Variants in TOR1AIP2 observed in about 807,000 individuals in gnomAD.
The protein encoded by TOR1AIP2 is torsin 1A interacting protein 2, also known as torsin-1A-interacting protein 2.
TOR1AIP2 carries 20 observed loss-of-function variants against 32.6 expected under a neutral mutation model. That is an observed-to-expected ratio of 0.61 (90% confidence interval 0.43 to 0.89). The LOEUF (loss-of-function observed/expected upper bound fraction) is 0.89. Among genes scored for constraint, TOR1AIP2 ranks in the 40% least tolerant of loss-of-function variants. The pLI is 0.00. For synonymous variants in TOR1AIP2, 214 were observed against 210.8 expected, an observed-to-expected ratio of 1.02 and a Z score of -0.13; for missense variants, 456 against 553.8, an observed-to-expected ratio of 0.82 and a Z score of 1.77.
At chr1:179,857,298 G>A (rs986617319) in intron 3 of TOR1AIP2, among the ~76,000 whole-genome samples, 1 of 152,112 alleles carries the variant, frequency 6.6e-6, no homozygotes, top group African/African-American at 2.4e-5. Flanking sequence ...TCCTTGTGAC[G>A]CTGAAATCTG....
chr1:179,844,208 C>T lies in TOR1AIP2; in HGVS notation c.*1863G>A, dbSNP rs1695818456. On this transcript the variant is annotated 3_prime_UTR_variant, in exon 7 of 7. Coordinates refer to ENST00000609928, the MANE Select transcript of TOR1AIP2 (RefSeq NM_001199260.2). Reference sequence around the variant, plus strand: ...TTCCTCTGCTTTTATACTGGATTGACAGTGATATCACATTCACCATGCTTT... The same window carrying T: ...TTCCTCTGCTTTTATACTGGATTGATAGTGATATCACATTCACCATGCTTT... 6.6e-6 allele frequency: 1 copy of T among 152,206 alleles called. No homozygotes were observed. The highest frequency in any genetic ancestry group is 1.5e-5 in the Non-Finnish European group (1 of 68,040). The allele number at this position is 152,206 out of a possible 1,614,324, so 9.4% of individuals were successfully genotyped here.
chr1:179,872,627 T>C (rs1253622922), intron 2 of TOR1AIP2, among the ~76,000 whole-genome samples: 2 of 152,230 alleles, frequency 1.3e-5, no homozygotes, highest in African/African-American at 4.8e-5. Context: ...ATTGAATGCC[T>C]GGCGCAGATC....
intron 3 of TOR1AIP2, chr1:179,863,359 G>C: frequency 2.0e-6 from 2 of 984,858 alleles, no homozygotes; most frequent in South Asian, 4.7e-5. Context: ...CTAATGAGAT[G>C]TAAGAAGAAA....
intron 2 of TOR1AIP2, among the ~76,000 whole-genome samples, chr1:179,871,100 GCT>G (rs1307682467): frequency 1.3e-5 from 2 of 152,152 alleles, no homozygotes; most frequent in Non-Finnish European, 2.9e-5. Context: ...TAGGCTAAGG[GCT>G]CTTAGAGGGA....
chr1:179,850,537 C>T (rs1439958967), intron 5 of TOR1AIP2, among the ~76,000 whole-genome samples: 2 of 152,114 alleles, frequency 1.3e-5, no homozygotes, highest in Non-Finnish European at 2.9e-5. Flanking sequence ...AAACCAGAAG[C>T]GAATTTTTTA....
intron 3 of TOR1AIP2, among the ~76,000 whole-genome samples, chr1:179,855,779 T>G (rs964076810): frequency 9.2e-5 from 14 of 152,202 alleles, no homozygotes; most frequent in African/African-American, 3.4e-4. Context: ...AAATGTTCAT[T>G]AATAAGAAAG....
In TOR1AIP2 at chr1:179,846,006, T is replaced by C; in HGVS notation, c.*65A>G. The C allele has an allele frequency of 1.4e-6, 2 of 1,442,068 alleles. No individual in the cohort carries two copies. Among genetic ancestry groups the C allele is most frequent in the Non-Finnish European group, 1.9e-6 (2 of 1,062,534 alleles). The allele number at this position is 1,442,068 out of a possible 1,614,324, so 89.3% of individuals were successfully genotyped here. A position where few individuals can be genotyped will look rare whatever the true frequency, so the allele number is the denominator to read the frequency against. On this transcript the variant is annotated 3_prime_UTR_variant, in exon 7 of 7. Transcript: ENST00000609928. ...TTTTATCAACCTCCTTCCATATAAA[T>C]GGAAGGTCTTTAAACAAACTTTTTC... is the stretch of plus-strand genomic sequence containing the variant.
In TOR1AIP2 at chr1:179,840,359, T is replaced by C. The variant is rs925006564; in HGVS notation, c.*5712A>G. On this transcript the variant is annotated 3_prime_UTR_variant, in exon 7 of 7. Coordinates refer to ENST00000609928, the MANE Select transcript of TOR1AIP2 (RefSeq NM_001199260.2). ...GCCCCATACAATGTGACTCAGCCTG[T>C]TGCTTCCCAAGTCTAAAATGTTCTT... The C allele has an allele frequency of 1.3e-5, 2 of 152,204 alleles. No individual in the cohort carries two copies. The highest frequency in any genetic ancestry group is 2.4e-5 in the African/African-American group (1 of 41,442). 9.4% of individuals were successfully genotyped at this position (152,204 alleles called of 1,614,324 possible). A position where few individuals can be genotyped will look rare whatever the true frequency, so the allele number is the denominator to read the frequency against.
At chr1:179,850,290 CT>C (rs982976847) in intron 5 of TOR1AIP2, among the ~76,000 whole-genome samples, 4 of 152,128 alleles carry the variant, frequency 2.6e-5, no homozygotes, top group Non-Finnish European at 4.4e-5. Context: ...CAACGCTTAG[CT>C]TCATAAGGGA....
In TOR1AIP2 at chr1:179,873,380, C is replaced by T. The variant is rs534452933; in HGVS notation, c.-566+3859G>A. 4.4e-4 allele frequency among the ~76,000 whole-genome samples: 67 copies of T among 152,256 alleles called. No individual in the cohort carries two copies. In the Middle Eastern group the frequency reaches 0.014, roughly 31 times the overall value. On this transcript the variant is annotated intron_variant, in intron 2 of 6. Coordinates refer to ENST00000609928, the MANE Select transcript of TOR1AIP2 (RefSeq NM_001199260.2). ...AGTTTAGAGTTTTACAATATTTTAT[C>T]ATGATTAGAAAGATAAAAAGATTAT...
Position 179,846,468 on chromosome 1 carries a change from T to G in TOR1AIP2, c.1016A>C (p.Asp339Ala). 1 of 1,614,180 alleles carries G rather than the reference T, an allele frequency of 6.2e-7. No individual in the cohort carries two copies. The highest frequency in any genetic ancestry group is 8.5e-7 in the Non-Finnish European group (1 of 1,180,030). The change falls in exon 7 of 7, where the codon GAC (aspartate) becomes GCC (alanine). Residue 339 changes from aspartate to alanine, a missense_variant. Transcript: ENST00000609928. ...QIDGAGRTWQ[D>A]SDTVKLLVDL... The stretch of plus-strand genomic sequence containing the variant: ...AACCAACAGCTTGACCGTGTCACTG[T>G]CCTGCCAGGTCCTTCCAGCCCCATC...
Position 179,851,119 on chromosome 1 carries a change from A to T in TOR1AIP2, c.279T>A (p.Ser93Arg), listed in dbSNP as rs1255769046. ...KDKTEDENKQ[S>R]FLDGGKGHHL... The stretch of plus-strand genomic sequence containing the variant: ...GATGCCCTTTTCCGCCATCCAGAAA[A>T]CTCTGCTTGTTCTCATCTTCTGTTT... The change falls in exon 5 of 7, where the codon AGT (serine) becomes AGA (arginine). Residue 93 changes from serine (S) to arginine (R), a missense_variant. Transcript: ENST00000609928. 6.2e-7 allele frequency: 1 copy of T among 1,612,526 alleles called. No individual in the cohort carries two copies. The highest frequency in any genetic ancestry group is 1.1e-5 in the South Asian group (1 of 91,036).
intron 2 of TOR1AIP2, among the ~76,000 whole-genome samples, chr1:179,869,793 T>C (rs1329701665): frequency 1.3e-5 from 2 of 152,170 alleles, no homozygotes; most frequent in African/African-American, 4.8e-5. Context: ...TTTGTACAAA[T>C]TAGAAAAAGG....
intron 3 of TOR1AIP2, chr1:179,861,957 C>T: frequency 4.1e-6 from 4 of 981,546 alleles, no homozygotes; most frequent in Non-Finnish European, 4.8e-6. Context: ...GCCTCAACCT[C>T]TGAAGTAGCT....
At chr1:179,862,604 A>T in intron 3 of TOR1AIP2, 1 of 985,436 alleles carries the variant, frequency 1.0e-6, no homozygotes, top group Non-Finnish European at 1.2e-6. Context: ...GTTGCACACC[A>T]ACAGCCATTC....
chr1:179,857,822 T>A (rs545988892), intron 3 of TOR1AIP2, among the ~76,000 whole-genome samples: 20 of 152,298 alleles, frequency 1.3e-4, no homozygotes, highest in African/African-American at 4.6e-4. Flanking sequence ...TACACAACTA[T>A]AAAAGTTACT....
rs1695698216 is a variant in TOR1AIP2, at chr1:179,840,888, C to CTATAATAATAATAATAATAATAA, written c.*5160_*5182dup. The CTATAATAATAATAATAATAATAA allele has an allele frequency of 9.6e-6, 1 of 104,366 alleles. No homozygotes were observed. Among genetic ancestry groups the CTATAATAATAATAATAATAATAA allele is most frequent in the African/African-American group, 7.0e-5 (1 of 14,374 alleles). 6.5% of individuals were successfully genotyped at this position (104,366 alleles called of 1,614,324 possible). ...CTCCACATGTATCCCAGAACTTAAACTATAATAATAATAATAATAATAATA... is the reference window on the plus strand; with the variant it reads ...CTCCACATGTATCCCAGAACTTAAACTATAATAATAATAATAATAATAATATAATAATAATAATAATAATAATA... On this transcript the variant is annotated 3_prime_UTR_variant, in exon 7 of 7. Transcript: ENST00000609928.
intron 2 of TOR1AIP2, among the ~76,000 whole-genome samples, chr1:179,866,256 C>T (rs559676871): frequency 2.0e-5 from 3 of 147,122 alleles, no homozygotes; most frequent in South Asian, 4.3e-4. Flanking sequence ...GGTTTCAATC[C>T]ATCCAAAAAA....
chr1:179,868,993 C>A (rs950454746), intron 2 of TOR1AIP2: 2 of 152,278 alleles, frequency 1.3e-5, no homozygotes, highest in African/African-American at 4.8e-5. Context: ...CAGGTATGCA[C>A]CACCATGCCC....
Sources: allele counts gnomAD v4.1 joint callset (sites outside exome capture counted in the v4.1 genomes callset), GRCh38; gene constraint gnomAD v4.1.1; transcripts MANE v1.5; gene names NCBI Gene and HGNC (gene_info 2026-07-23, HGNC 2026-07-21).